COBL: variants seen among roughly 807,000 people sequenced by gnomAD.
The protein encoded by COBL is protein cordon-bleu.
A neutral mutation model predicts 98.8 loss-of-function variants in COBL; 51 were observed. The observed-to-expected ratio is 0.52, with a 90% CI of 0.41 to 0.65. The LOEUF is 0.65. Among genes scored for constraint, COBL ranks in the 30% least tolerant of loss-of-function variants. COBL has a pLI of 0.00. For missense variants in COBL, 1,617 were observed against 1,617.5 expected (o/e 1.00, Z 0.01); for synonymous variants, 634 against 651.7 (o/e 0.97, Z 0.41).
chr7:51,148,611 C>G (rs1225777207), intron 5 of COBL, among the ~76,000 whole-genome samples: 3 of 152,202 alleles, frequency 2.0e-5, no homozygotes, highest in Admixed American at 2.0e-4. Flanking sequence ...TCTTGACTTT[C>G]CGTGGCTCAT....
At chr7:51,113,811 T>C (rs1040685250) in intron 6 of COBL, among the ~76,000 whole-genome samples, 6 of 152,218 alleles carry the variant, frequency 3.9e-5, no homozygotes, top group Non-Finnish European at 8.8e-5. Context: ...TGGAATTAAG[T>C]GTGGTTCTCT....
intron 7 of COBL, among the ~76,000 whole-genome samples, chr7:51,056,249 G>A (rs1488233451): frequency 6.6e-6 from 1 of 151,778 alleles, no homozygotes; most frequent in Non-Finnish European, 1.5e-5. Flanking sequence ...AGGAAGAGCA[G>A]GGGGAGGAGA....
chr7:51,232,306 AT>A (rs1351160676), intron 1 of COBL, among the ~76,000 whole-genome samples: 1 of 149,130 alleles, frequency 6.7e-6, no homozygotes, highest in Admixed American at 6.7e-5. Flanking sequence ...CAGAATCACC[AT>A]ACAATATCAG....
At chr7:51,109,333 C>T (rs958604088) in intron 6 of COBL, among the ~76,000 whole-genome samples, 27 of 152,194 alleles carry the variant, frequency 1.8e-4, no homozygotes, top group African/African-American at 5.8e-4. Context: ...ACTGCCAGTG[C>T]GGTTCCTGTA....
intron 7 of COBL, chr7:51,082,979 C>T: frequency 7.2e-7 from 1 of 1,381,754 alleles, no homozygotes; most frequent in Non-Finnish European, 9.9e-7. Context: ...AATGGAAAAT[C>T]TGGAAACCCA....
chr7:51,032,101 G>A (rs542381076), intron 8 of COBL: 6 of 152,304 alleles, frequency 3.9e-5, no homozygotes, highest in Middle Eastern at 3.4e-3. Flanking sequence ...AACTATGTAC[G>A]GAGAGACTAC....
chr7:51,093,566 A>G (rs1583767248), intron 6 of COBL, among the ~76,000 whole-genome samples: 1 of 152,332 alleles, frequency 6.6e-6, no homozygotes, highest in African/African-American at 2.4e-5. Context: ...TTTCAACATT[A>G]TTATGAATGC....
rs201970192 is a variant in COBL at position 51,060,899 on chromosome 7, ATAGAC to A, written c.1097-17212_1097-17208del. Reference sequence around the variant, plus strand: ...ACTGACCCAGACTATCCAGGGGAAAATAGACTACTGCTCTAGAATGGAGGTAAGGA... The same window carrying A: ...ACTGACCCAGACTATCCAGGGGAAAATACTGCTCTAGAATGGAGGTAAGGA... On this transcript the variant is annotated intron_variant, in intron 7 of 12. Transcript: ENST00000265136. Among the ~76,000 whole-genome samples, 62 of 152,270 alleles carry A rather than the reference ATAGAC, an allele frequency of 4.1e-4. No homozygotes were observed. In the East Asian group the frequency reaches 0.011, roughly 28 times the overall value.
At chr7:51,229,475 C>G (rs1584248383) in intron 1 of COBL, among the ~76,000 whole-genome samples, 1 of 152,166 alleles carries the variant, frequency 6.6e-6, no homozygotes, top group East Asian at 1.9e-4. Context: ...CTTCCTTTTC[C>G]CAAGGTGCAT....
chr7:51,135,108 G>A (rs754758086), intron 6 of COBL, among the ~76,000 whole-genome samples: 42 of 152,052 alleles, frequency 2.8e-4, no homozygotes, highest in Non-Finnish European at 4.4e-4. Flanking sequence ...GACAATAGGC[G>A]TGCACCACCA....
intron 8 of COBL, among the ~76,000 whole-genome samples, chr7:51,036,318 CAG>C (rs1015270334): frequency 2.5e-5 from 3 of 120,570 alleles, no homozygotes; most frequent in Admixed American, 1.2e-4. Flanking sequence ...GCCTGGGTGA[CAG>C]AGTGAGACTC....
chr7:51,238,757 C>T (rs1795506806), intron 1 of COBL, among the ~76,000 whole-genome samples: 1 of 152,140 alleles, frequency 6.6e-6, no homozygotes, highest in Non-Finnish European at 1.5e-5. Flanking sequence ...GCTCCTCTTT[C>T]CCCCTGTGAC....
intron 6 of COBL, among the ~76,000 whole-genome samples, chr7:51,106,973 T>C (rs1236392131): frequency 1.3e-5 from 2 of 152,108 alleles, no homozygotes; most frequent in African/African-American, 4.8e-5. Flanking sequence ...ATCGTATAAA[T>C]TTATGATACA....
At chr7:51,316,238 C>A in intron 1 of COBL, 1 of 198,798 alleles carries the variant, frequency 5.0e-6, no homozygotes, top group Non-Finnish European at 1.0e-5. Flanking sequence ...CCCCGCTCCA[C>A]CCCTACGGCA....
At chr7:51,265,893 A>G (rs1798157119) in intron 1 of COBL, among the ~76,000 whole-genome samples, 2 of 152,220 alleles carry the variant, frequency 1.3e-5, no homozygotes, top group Non-Finnish European at 2.9e-5. Context: ...ACACCTCTGA[A>G]TTTATAATGA....
intron 1 of COBL, among the ~76,000 whole-genome samples, chr7:51,314,496 C>T (rs1803345672): frequency 6.6e-6 from 1 of 152,186 alleles, no homozygotes; most frequent in South Asian, 2.1e-4. Flanking sequence ...CAATATCTAA[C>T]CTTTATAATT....
intron 8 of COBL, among the ~76,000 whole-genome samples, chr7:51,037,451 A>C (rs994675558): frequency 1.3e-5 from 2 of 152,228 alleles, no homozygotes; most frequent in Admixed American, 6.5e-5. Context: ...TCTTCAGATT[A>C]AGTGATTCTT....
chr7:51,257,333 T>A (rs1440077864), intron 1 of COBL, among the ~76,000 whole-genome samples: 1 of 152,178 alleles, frequency 6.6e-6, no homozygotes, highest in Admixed American at 6.5e-5. Context: ...GTAGAAGTCA[T>A]TAAATACAGA....
chr7:51,185,213 C>A (rs1789376549), intron 4 of COBL, among the ~76,000 whole-genome samples: 1 of 152,190 alleles, frequency 6.6e-6, no homozygotes, highest in Non-Finnish European at 1.5e-5. Flanking sequence ...ATGGAACCTG[C>A]AGCATCAGCA....
Sources: gnomAD v4.1 joint callset for allele counts (sites outside exome capture counted in the v4.1 genomes callset) on GRCh38, gnomAD v4.1.1 for gene constraint, MANE v1.5 for transcripts, NCBI Gene and HGNC (gene_info 2026-07-23, HGNC 2026-07-21) for gene names.